Variants in PPP2R5D observed in about 807,000 individuals in gnomAD.
PPP2R5D encodes protein phosphatase 2 regulatory subunit B'delta.
Under a neutral mutation model 79.1 loss-of-function variants are expected in PPP2R5D, and 12 were observed. That is an observed-to-expected ratio of 0.15 (90% CI 0.10 to 0.25). PPP2R5D has a LOEUF of 0.25. Ranked by LOEUF, PPP2R5D falls within the 10% of genes least tolerant of loss-of-function variation. The pLI, the probability that PPP2R5D is intolerant of heterozygous loss-of-function variation, is 1.00. For synonymous variants in PPP2R5D, 277 were observed against 286.6 expected, an observed-to-expected ratio of 0.97 and a Z score of 0.34; for missense variants, 419 against 760.2, an observed-to-expected ratio of 0.55 and a Z score of 5.28.
Position 43,006,828 on chromosome 6 carries a change from G to C in PPP2R5D, c.323-83G>C. On this transcript the variant is annotated intron_variant, in intron 3 of 15. Coordinates refer to ENST00000485511, the MANE Select transcript of PPP2R5D (RefSeq NM_006245.4). The surrounding 1 kb of genome is among the most constrained non-coding windows in gnomAD (Gnocchi z 4.7). ...CAGGGAGCAGGATGGTGGCAGGGTG[G>C]GGTAAGGGAAAGCCCTTGAAGGCAA... 1 of 1,582,694 alleles carries C rather than the reference G, an allele frequency of 6.3e-7. No individual in the cohort carries two copies. Among genetic ancestry groups the C allele is most frequent in the Non-Finnish European group, 8.6e-7 (1 of 1,156,790 alleles).
At chr6:42,993,863 A>AG (rs1214097718) in intron 2 of PPP2R5D, among the ~76,000 whole-genome samples, 8 of 152,178 alleles carry the variant, frequency 5.3e-5, no homozygotes, top group Non-Finnish European at 1.0e-4. Flanking sequence ...GAATTTGGTG[A>AG]GGGGAGGGGG....
In PPP2R5D at chr6:43,012,162, T is replaced by C. The variant is rs1229661562; in HGVS notation, c.*876T>C. 3.7e-6 allele frequency: 4 copies of C among 1,073,812 alleles called. No individual in the cohort carries two copies. Among genetic ancestry groups the C allele is most frequent in the South Asian group, 4.4e-5 (1 of 22,894 alleles). The allele number at this position is 1,073,812 out of a possible 1,614,324, so 66.5% of individuals were successfully genotyped here. ...CAGGCCTTCTCTTGTCCCTTATAGG[T>C]ACCTTGGAGGGGCCAGGGGCTGAGG... On this transcript the variant is annotated 3_prime_UTR_variant, in exon 16 of 16. Coordinates refer to ENST00000485511, the MANE Select transcript of PPP2R5D (RefSeq NM_006245.4).
At chr6:42,995,065 G>A (rs1430105333) in intron 2 of PPP2R5D, among the ~76,000 whole-genome samples, 1 of 150,580 alleles carries the variant, frequency 6.6e-6, no homozygotes, top group Non-Finnish European at 1.5e-5. Context: ...ACCCCTCTGA[G>A]CTGGCCCCAC....
rs1762160346 is a variant in PPP2R5D, at chr6:43,007,629, G to A, written c.726+123G>A. On this transcript the variant is annotated intron_variant, in intron 6 of 15. Transcript: ENST00000485511. This position sits in a 1 kb window ranked among gnomAD's most constrained non-coding sequence, Gnocchi z 4.5. ...GTTTCATCCATGTCTGGTACGAGGA[G>A]GCTATAAAGGGTAAAAAACAAAACA... 1.0e-6 allele frequency: 1 copy of A among 996,198 alleles called. No individual in the cohort carries two copies. The highest frequency in any genetic ancestry group is 1.5e-6 in the Non-Finnish European group (1 of 658,758). The allele number at this position is 996,198 out of a possible 1,614,324, so 61.7% of individuals were successfully genotyped here. A position where few individuals can be genotyped will look rare whatever the true frequency, so the allele number is the denominator to read the frequency against.
intron 1 of PPP2R5D, 76 bp downstream of exon 1, chr6:42,984,780 G>T: frequency 6.3e-7 from 1 of 1,599,730 alleles, no homozygotes. Flanking sequence ...AGCCAGGCCC[G>T]GGACAGCCCC....
intron 2 of PPP2R5D, among the ~76,000 whole-genome samples, chr6:42,998,015 TTATATATATATATATATATA>T (rs1561843629): frequency 0.021 from 688 of 32,338 alleles, 17 homozygotes; most frequent in Non-Finnish European, 0.028. Context: ...TGGGTTTTAT[TTATATATATATATATATATA>T]TATATATATA....
intron 2 of PPP2R5D, among the ~76,000 whole-genome samples, chr6:43,003,803 C>A (rs1002836482): frequency 2.0e-5 from 3 of 151,924 alleles, no homozygotes; most frequent in South Asian, 4.1e-4. Flanking sequence ...GGCGTGATCT[C>A]GGCTCACTGC....
intron 2 of PPP2R5D, 94 bp downstream of exon 2, chr6:42,989,782 G>A: frequency 8.0e-7 from 1 of 1,242,518 alleles, no homozygotes; most frequent in Non-Finnish European, 1.1e-6. Flanking sequence ...GGGTGAGGCA[G>A]AAGGGAAGGC....
At chr6:42,997,302 C>A (rs1771768292) in intron 2 of PPP2R5D, among the ~76,000 whole-genome samples, 3 of 151,004 alleles carry the variant, frequency 2.0e-5, no homozygotes, top group African/African-American at 7.3e-5. Flanking sequence ...AAGTGATTTT[C>A]CTCCCTCAGC....
intron 2 of PPP2R5D, among the ~76,000 whole-genome samples, chr6:42,996,171 G>A (rs1771666061): frequency 8.3e-6 from 1 of 121,156 alleles, no homozygotes; most frequent in South Asian, 2.7e-4. Context: ...TTTTTTAAGA[G>A]CCAAAAAAGG....
chr6:42,998,015 T>TA (rs1771842259), intron 2 of PPP2R5D, among the ~76,000 whole-genome samples: 18 of 32,336 alleles, frequency 5.6e-4, no homozygotes, highest in Non-Finnish European at 7.2e-4. Flanking sequence ...TGGGTTTTAT[T>TA]TATATATATA....
intron 1 of PPP2R5D, among the ~76,000 whole-genome samples, chr6:42,988,522 C>T (rs974325377): frequency 2.0e-5 from 3 of 152,226 alleles, no homozygotes; most frequent in African/African-American, 7.2e-5. Context: ...ATCCAAGTTG[C>T]ATCTTCATTT....
rs778608571 is a variant in PPP2R5D, at chr6:43,009,165, A to G, written c.1189A>G (p.Ser397Gly). 2 of 1,614,140 alleles carry G rather than the reference A, an allele frequency of 1.2e-6. No homozygotes were observed. Among genetic ancestry groups the G allele is most frequent in the Non-Finnish European group, 1.7e-6 (2 of 1,180,020 alleles). ...ILDVIEPSEF[S>G]KVMEPLFRQL... ...GGACGTCATTGAACCTTCTGAGTTC[A>G]GCAAAGTGATGGAACCCCTCTTCCG... Residue 397 changes from serine to glycine, a missense_variant, in exon 11 of 16, where the codon AGC becomes GGC. By Grantham distance (56) the Ser-to-Gly change is moderately conservative (BLOSUM62 0). Transcript: ENST00000485511. The surrounding 1 kb of genome is among the most constrained non-coding windows in gnomAD (Gnocchi z 5.6).
intron 2 of PPP2R5D, among the ~76,000 whole-genome samples, chr6:42,997,029 CAG>C (rs1362090721): frequency 6.6e-6 from 1 of 151,948 alleles, no homozygotes; most frequent in Non-Finnish European, 1.5e-5. Flanking sequence ...ATTTTTGAGA[CAG>C]ACTCTTCCTT....
intron 1 of PPP2R5D, among the ~76,000 whole-genome samples, chr6:42,988,148 C>T (rs1581796064): frequency 1.3e-5 from 2 of 152,322 alleles, no homozygotes; most frequent in African/African-American, 2.4e-5. Flanking sequence ...CTCCAGCCCA[C>T]ACAGAGCTCT....
At chr6:42,991,019 G>A (rs994581733) in intron 2 of PPP2R5D, among the ~76,000 whole-genome samples, 4 of 152,052 alleles carry the variant, frequency 2.6e-5, no homozygotes, top group Admixed American at 1.3e-4. Context: ...GCCCTTATGC[G>A]GTATTCTAAA....
At position 43,010,330 on chromosome 6, in the gene PPP2R5D, C is replaced by T. The variant is rs12212764; in HGVS notation, c.1380-138C>T. On this transcript the variant is annotated intron_variant, in intron 12 of 15. Transcript: ENST00000485511. This position sits in a 1 kb window ranked among gnomAD's most constrained non-coding sequence, Gnocchi z 4.7. ...ATTTGGCCAGAGCTCTCTTCTGATA[C>T]TGCACAGAGGTTTGTGAACTGGAAG... 7.7e-3 allele frequency: 5,278 copies of T among 688,056 alleles called. 43 individuals carry two copies. The highest frequency in any genetic ancestry group is 0.017 in the Middle Eastern group (67 of 3,896). 42.6% of individuals were successfully genotyped at this position (688,056 alleles called of 1,614,324 possible).
intron 2 of PPP2R5D, 33 bp downstream of exon 2, chr6:42,989,721 G>A (rs1411688347): frequency 6.3e-7 from 1 of 1,584,486 alleles, no homozygotes; most frequent in Non-Finnish European, 8.7e-7. Context: ...TAGATGTGGT[G>A]CAGGTGCCAC....
Position 43,010,078 on chromosome 6 carries a change from A to C in PPP2R5D, c.1380-390A>C, listed in dbSNP as rs75112691. 6.9e-6 allele frequency among the ~76,000 whole-genome samples: 1 copy of C among 145,906 alleles called. No individual in the cohort carries two copies. Among genetic ancestry groups the C allele is most frequent in the African/African-American group, 2.8e-5 (1 of 36,200 alleles). ...AGTGAGACTCCGTCTTAAAAAAAAA[A>C]CTCAGGGTTTTGAAAAGACTTTTCT... is the stretch of plus-strand genomic sequence containing the variant. On this transcript the variant is annotated intron_variant, in intron 12 of 15. Coordinates refer to ENST00000485511, the MANE Select transcript of PPP2R5D (RefSeq NM_006245.4). This position sits in a 1 kb window ranked among gnomAD's most constrained non-coding sequence, Gnocchi z 4.7.
Sources: allele counts gnomAD v4.1 joint callset (sites outside exome capture counted in the v4.1 genomes callset), GRCh38; gene constraint gnomAD v4.1.1; non-coding constraint Gnocchi (gnomAD v3.1); transcripts MANE v1.5; gene names NCBI Gene and HGNC (gene_info 2026-07-23, HGNC 2026-07-21).